The following AK5 variants were observed in gnomAD, a reference collection of about 807,000 sequenced individuals.
AK5 encodes the protein adenylate kinase 5.
A neutral mutation model predicts 69.5 loss-of-function variants in AK5; 27 were observed. That is an observed-to-expected ratio of 0.39 (90% CI 0.29 to 0.54). AK5 has a LOEUF of 0.54. Ranked by LOEUF, AK5 falls within the 20% of genes least tolerant of loss-of-function variation. AK5 has a pLI of 0.71. For missense variants in AK5, 531 were observed against 700.4 expected, an observed-to-expected ratio of 0.76 and a Z score of 2.73; for synonymous variants, 260 against 244.4, an observed-to-expected ratio of 1.06 and a Z score of -0.60.
intron 10 of AK5, among the ~76,000 whole-genome samples, chr1:77,506,863 G>A (rs577513770): frequency 2.6e-5 from 4 of 152,216 alleles, no homozygotes; most frequent in African/African-American, 9.6e-5. Context: ...GTTGGGCGTG[G>A]TGGCACAAGC....
intron 13 of AK5, among the ~76,000 whole-genome samples, chr1:77,558,044 A>G (rs1302088370): frequency 6.6e-6 from 1 of 152,206 alleles, no homozygotes; most frequent in Non-Finnish European, 1.5e-5. Flanking sequence ...ATTTAAGTTT[A>G]GTGCTGAATA....
intron 6 of AK5, among the ~76,000 whole-genome samples, chr1:77,403,274 T>C (rs986689421): frequency 5.3e-5 from 8 of 152,230 alleles, no homozygotes; most frequent in African/African-American, 1.9e-4. Flanking sequence ...GTAGTTTCTT[T>C]TTCTGTGCAG....
chr1:77,381,524 C>T lies in AK5; in HGVS notation c.892-29457C>T, dbSNP rs554778663. 7.9e-5 allele frequency among the ~76,000 whole-genome samples: 12 copies of T among 152,252 alleles called. 1 individual carries two copies. The South Asian group carries it at 2.5e-3, about 32-fold the overall frequency. On this transcript the variant is annotated intron_variant, in intron 6 of 13. Coordinates refer to ENST00000354567, the MANE Select transcript of AK5 (RefSeq NM_174858.3). Reference sequence around the variant, plus strand: ...TGGCACCAAAAGAACAAAACATGGTCCTGCTTTGAAAGACATTGTGTACAG... The same window carrying T: ...TGGCACCAAAAGAACAAAACATGGTTCTGCTTTGAAAGACATTGTGTACAG...
At chr1:77,522,020 A>G (rs1570304825) in intron 12 of AK5, 77 bp downstream of exon 12, 3 of 1,139,832 alleles carry the variant, frequency 2.6e-6, no homozygotes, top group African/African-American at 1.6e-5. Flanking sequence ...TTCAAAGTCT[A>G]TTTCTTTCCC....
At chr1:77,378,457 G>T (rs1294149383) in intron 6 of AK5, among the ~76,000 whole-genome samples, 2 of 152,170 alleles carry the variant, frequency 1.3e-5, no homozygotes, top group Middle Eastern at 3.2e-3. Flanking sequence ...AAGTAGCTGG[G>T]ATTACAGGCA....
intron 6 of AK5, among the ~76,000 whole-genome samples, chr1:77,406,704 G>GAAAAAAAAAAAAAAA (rs752481198): frequency 2.7e-5 from 4 of 147,630 alleles, no homozygotes; most frequent in African/African-American, 1.0e-4. Context: ...CTGATGCTGA[G>GAAAAAAAAAAAAAAA]GAAAAAAAAA....
At chr1:77,315,829 AT>A (rs1557489613) in intron 5 of AK5, among the ~76,000 whole-genome samples, 2 of 151,370 alleles carry the variant, frequency 1.3e-5, no homozygotes, top group African/African-American at 2.5e-5. Context: ...TTGCACCCCA[AT>A]TTATCATCTC....
intron 8 of AK5, among the ~76,000 whole-genome samples, chr1:77,461,235 G>A (rs1448699024): frequency 1.9e-4 from 29 of 149,768 alleles, no homozygotes; most frequent in Admixed American, 1.6e-3. Context: ...GGGTTTCACC[G>A]TGTTAGCCAG....
At chr1:77,355,355 T>C (rs1662456677) in intron 6 of AK5, among the ~76,000 whole-genome samples, 1 of 152,212 alleles carries the variant, frequency 6.6e-6, no homozygotes, top group South Asian at 2.1e-4. Context: ...GATAGGTAAT[T>C]CCACAGTTGT....
rs573327900 is a variant in AK5 at position 77,537,652 on chromosome 1, A to G, written c.1620+1614A>G. ...GTTCACAGGATAAGAGACATCATCA[A>G]TAAATAACAAACTTGTCTCTGAGGA... On this transcript the variant is annotated intron_variant, in intron 13 of 13. Coordinates refer to ENST00000354567, the MANE Select transcript of AK5 (RefSeq NM_174858.3). 2.7e-3 allele frequency among the ~76,000 whole-genome samples: 412 copies of G among 152,340 alleles called. 3 individuals are homozygous for G. The highest frequency in any genetic ancestry group is 9.5e-3 in the African/African-American group (397 of 41,580).
chr1:77,464,643 T>G (rs1168229649), intron 8 of AK5, among the ~76,000 whole-genome samples: 1 of 152,084 alleles, frequency 6.6e-6, no homozygotes, highest in Non-Finnish European at 1.5e-5. Context: ...GTGGCAAAGA[T>G]AAGCCTACGG....
At chr1:77,517,126 T>C (rs1461220095) in intron 10 of AK5, among the ~76,000 whole-genome samples, 1 of 149,578 alleles carries the variant, frequency 6.7e-6, no homozygotes, top group Admixed American at 6.7e-5. Flanking sequence ...AGAGGTAAAG[T>C]CGGACTAGAT....
intron 8 of AK5, among the ~76,000 whole-genome samples, chr1:77,419,630 T>A (rs9633479): frequency 6.6e-6 from 1 of 152,004 alleles, no homozygotes; most frequent in Non-Finnish European, 1.5e-5. Flanking sequence ...CTTGATAGAG[T>A]AGAGGAAATT....
At chr1:77,296,447 A>G (rs1266109469) in intron 3 of AK5, among the ~76,000 whole-genome samples, 1 of 152,192 alleles carries the variant, frequency 6.6e-6, no homozygotes, top group Non-Finnish European at 1.5e-5. Context: ...ATCTCTGTCA[A>G]TTGTGCCAAT....
At chr1:77,385,316 C>G (rs1043841270) in intron 6 of AK5, among the ~76,000 whole-genome samples, 2 of 151,984 alleles carry the variant, frequency 1.3e-5, no homozygotes, top group Non-Finnish European at 2.9e-5. Flanking sequence ...CCCGCCACCA[C>G]GCCCGGCTAA....
chr1:77,417,819 T>G (rs541773670), intron 8 of AK5, 104 bp downstream of exon 8: 1 of 666,252 alleles, frequency 1.5e-6, no homozygotes, highest in East Asian at 2.8e-5. Flanking sequence ...TTGTGAAATA[T>G]ATACAGATAA....
At chr1:77,371,093 T>G (rs1316867952) in intron 6 of AK5, among the ~76,000 whole-genome samples, 1 of 152,166 alleles carries the variant, frequency 6.6e-6, no homozygotes, top group African/African-American at 2.4e-5. Context: ...CTATAAATAT[T>G]TACACTCCCT....
intron 10 of AK5, among the ~76,000 whole-genome samples, chr1:77,517,805 A>G (rs1284132847): frequency 6.6e-6 from 1 of 152,246 alleles, no homozygotes; most frequent in Non-Finnish European, 1.5e-5. Flanking sequence ...ACTGAAGGAA[A>G]GCAGAAGGAC....
At chr1:77,510,147 G>A (rs952701112) in intron 10 of AK5, among the ~76,000 whole-genome samples, 1 of 117,246 alleles carries the variant, frequency 8.5e-6, no homozygotes, top group Non-Finnish European at 2.2e-5. Context: ...GGGGCCACAG[G>A]CTCCTGGACA....
Sources: allele counts gnomAD v4.1 joint callset (sites outside exome capture counted in the v4.1 genomes callset), GRCh38; gene constraint gnomAD v4.1.1; transcripts MANE v1.5; gene names NCBI Gene and HGNC (gene_info 2026-07-23, HGNC 2026-07-21).